KCTD1: variants seen among roughly 807,000 people sequenced by gnomAD.
KCTD1 encodes the protein BTB/POZ domain-containing protein KCTD1.
Under a neutral mutation model 66.0 loss-of-function variants are expected in KCTD1, and 24 were observed. That is an observed-to-expected ratio of 0.36 (90% CI 0.26 to 0.51). The LOEUF (loss-of-function observed/expected upper bound fraction) is 0.51. Ranked by LOEUF, KCTD1 falls within the 20% of genes least tolerant of loss-of-function variation. The pLI is 0.95. For synonymous variants in KCTD1, 511 were observed against 517.2 expected, an observed-to-expected ratio of 0.99 and a Z score of 0.16; for missense variants, 943 against 1,205.2, an observed-to-expected ratio of 0.78 and a Z score of 3.22.
chr18:26,548,211 T>C lies in KCTD1; in HGVS notation c.326A>G (p.Asp109Gly). ...LDWDEPLEPE[D>G]SAGEELEPEP... The stretch of plus-strand genomic sequence containing the variant: ...GGGCTCCAGCTCCTCCCCGGCCGAG[T>C]CCTCGGGCTCCAGGGGCTCGTCCCA... Residue 109 changes from aspartate to glycine, a missense_variant, in exon 1 of 5, where the codon GAC becomes GGC. This residue lies in a region of KCTD1 where 236 missense variants were observed against 206.6 expected (regional missense o/e 1.14). Coordinates refer to ENST00000580059, the MANE Select transcript of KCTD1 (RefSeq NM_001142730.3). 6.6e-7 allele frequency: 1 copy of C among 1,506,136 alleles called. No individual in the cohort carries two copies. Among genetic ancestry groups the C allele is most frequent in the African/African-American group, 1.4e-5 (1 of 71,580 alleles). The allele number at this position is 1,506,136 out of a possible 1,614,324, so 93.3% of individuals were successfully genotyped here.
At chr18:26,515,190 G>A (rs939415383) in intron 1 of KCTD1, among the ~76,000 whole-genome samples, 2 of 152,212 alleles carry the variant, frequency 1.3e-5, no homozygotes, top group Non-Finnish European at 2.9e-5. Flanking sequence ...ATTGTAACTT[G>A]TATTCAGATA....
At chr18:26,655,060 A>G (rs1221185104) in intron 1 of KCTD1, among the ~76,000 whole-genome samples, 1 of 152,218 alleles carries the variant, frequency 6.6e-6, no homozygotes, top group Non-Finnish European at 1.5e-5. Context: ...AGATTCCCAT[A>G]TATGTAGGTG....
intron 2 of KCTD1, among the ~76,000 whole-genome samples, chr18:26,500,359 G>A (rs1310926605): frequency 1.3e-5 from 2 of 151,906 alleles, no homozygotes; most frequent in Non-Finnish European, 2.9e-5. Context: ...GGTCAAGGCT[G>A]CAATGAGCCA....
Position 26,490,838 on chromosome 18 carries a change from C to T in KCTD1, c.1988+10234G>A, listed in dbSNP as rs531528334. On this transcript the variant is annotated intron_variant, in intron 2 of 4. Coordinates refer to ENST00000580059, the MANE Select transcript of KCTD1 (RefSeq NM_001142730.3). The stretch of plus-strand genomic sequence containing the variant: ...TGTGATCTCGGCTCACTGCAATCTC[C>T]GCCTCCCGGGCTCAAGCGATTCTCA... 3.2e-4 allele frequency among the ~76,000 whole-genome samples: 47 copies of T among 149,036 alleles called. 5 individuals are homozygous for T. Among genetic ancestry groups the T allele is most frequent in the Admixed American group, 2.4e-3 (36 of 15,006 alleles).
intron 3 of KCTD1, among the ~76,000 whole-genome samples, chr18:26,467,489 G>T (rs1396016461): frequency 6.6e-6 from 1 of 152,162 alleles, no homozygotes; most frequent in African/African-American, 2.4e-5. Context: ...CTGCATTCCA[G>T]CCTGGGTGAC....
rs1001290065 is a variant in KCTD1, at chr18:26,548,515, C to T, written c.22G>A (p.Gly8Arg). 1.6e-6 allele frequency: 2 copies of T among 1,243,116 alleles called. No individual in the cohort carries two copies. Among genetic ancestry groups the T allele is most frequent in the Admixed American group, 4.3e-5 (1 of 23,464 alleles). 77.0% of individuals were successfully genotyped at this position (1,243,116 alleles called of 1,614,324 possible). Residue 8 changes from glycine to arginine, a missense_variant, in exon 1 of 5, where the codon GGG becomes AGG. Transcript: ENST00000580059. ...CCGCCCGCGCTGGTGTTACAGTCCC[C>T]GCTGCCAGGCATTCTCGCCATATTG... The part of the protein sequence containing the change: MARMPGS[G>R]DCNTSAGGSA...
At chr18:26,584,874 A>G (rs911050677) in intron 1 of KCTD1, among the ~76,000 whole-genome samples, 4 of 152,206 alleles carry the variant, frequency 2.6e-5, no homozygotes, top group African/African-American at 4.8e-5. Context: ...TGTTGCAGGC[A>G]TGGATAACGG....
chr18:26,595,533 T>A (rs1986746151), intron 1 of KCTD1, among the ~76,000 whole-genome samples: 1 of 152,184 alleles, frequency 6.6e-6, no homozygotes, highest in South Asian at 2.1e-4. Flanking sequence ...TCCTTCTTGC[T>A]GGCAGAATGG....
Position 26,504,156 on chromosome 18 carries a change from A to C in KCTD1, c.1810-2906T>G, listed in dbSNP as rs1598902603. 3.3e-5 allele frequency among the ~76,000 whole-genome samples: 5 copies of C among 151,942 alleles called. No individual in the cohort carries two copies. The East Asian group carries it at 9.8e-4, about 30-fold the overall frequency. On this transcript the variant is annotated intron_variant, in intron 1 of 4. Coordinates refer to ENST00000580059, the MANE Select transcript of KCTD1 (RefSeq NM_001142730.3). Reference sequence around the variant, plus strand: ...ATCAAAGCTGCTCACTGCAGCCTCAAACTTCTGGGATCAAGCGATCCCCCC... The same window carrying C: ...ATCAAAGCTGCTCACTGCAGCCTCACACTTCTGGGATCAAGCGATCCCCCC...
Position 26,548,270 on chromosome 18 carries a change from C to A in KCTD1, c.267G>T (p.Glu89Asp), listed in dbSNP as rs779784037. Residue 89 changes from glutamate (E) to aspartate (D), a missense_variant, in exon 1 of 5, where the codon GAG becomes GAT. This residue lies in a region of KCTD1 where 236 missense variants were observed against 206.6 expected (regional missense o/e 1.14). Coordinates refer to ENST00000580059, the MANE Select transcript of KCTD1 (RefSeq NM_001142730.3). Reference sequence around the variant, plus strand: ...CCATCTCCTCCTCTTCCTCCTCCTCCTCGTCCTCCTCCAGCCCCCCACCTC... The same window carrying A: ...CCATCTCCTCCTCTTCCTCCTCCTCATCGTCCTCCTCCAGCCCCCCACCTC... ...EDGGGGLEED[E>D]EEEEEEEMGL... 11 of 1,510,086 alleles carry A rather than the reference C, an allele frequency of 7.3e-6. No individual in the cohort carries two copies. In the South Asian group the frequency reaches 1.2e-4, roughly 17 times the overall value. The allele number at this position is 1,510,086 out of a possible 1,614,324, so 93.5% of individuals were successfully genotyped here. A position where few individuals can be genotyped will look rare whatever the true frequency, so the allele number is the denominator to read the frequency against.
At chr18:26,641,633 G>A (rs189350051), upstream of KCTD1, among the ~76,000 whole-genome samples, 43 of 151,660 alleles carry the variant, frequency 2.8e-4, no homozygotes, top group East Asian at 6.8e-3. Flanking sequence ...GGTGCAGTCC[G>A]TCTGGCATGC....
At chr18:26,500,927 C>T in intron 2 of KCTD1, 145 bp downstream of exon 2, 1 of 768,192 alleles carries the variant, frequency 1.3e-6, no homozygotes, top group Non-Finnish European at 2.1e-6. Context: ...CCAAGACATC[C>T]AGCCTAGGCA....
chr18:26,601,326 TAAAAAAAAAAAA>T (rs61521451), intron 1 of KCTD1, among the ~76,000 whole-genome samples: 1 of 93,252 alleles, frequency 1.1e-5, no homozygotes, highest in African/African-American at 4.3e-5. Context: ...TGTTCATTGG[TAAAAAAAAAAAA>T]AAAAAAAAAA....
chr18:26,472,975 G>C (rs1031273129), intron 3 of KCTD1, among the ~76,000 whole-genome samples: 1 of 152,210 alleles, frequency 6.6e-6, no homozygotes, highest in Non-Finnish European at 1.5e-5. Flanking sequence ...GTGACCCCAG[G>C]TGCAGACTGA....
Position 26,501,141 on chromosome 18 carries a change from A to G in KCTD1, c.1919T>C (p.Val640Ala). ...CATGTGGCCGCCCACATCAATGTGG[A>G]CAGGCGCATTGGATTTTGTGAGTTG... ...PAQLTKSNAP[V>A]HIDVGGHMYT... The change falls in exon 2 of 5, where the codon GTC (valine) becomes GCC (alanine). Residue 640 changes from valine to alanine, a missense_variant. Around this residue, in one of 10 missense-constraint regions of KCTD1, gnomAD observed 41 missense variants for 103.8 expected, o/e 0.39. Transcript: ENST00000580059. The G allele has an allele frequency of 6.2e-7, 1 of 1,614,172 alleles. No individual in the cohort carries two copies. The highest frequency in any genetic ancestry group is 1.1e-5 in the South Asian group (1 of 91,080).
chr18:26,572,063 GT>G (rs1049877615), intron 1 of KCTD1, among the ~76,000 whole-genome samples: 102 of 139,840 alleles, frequency 7.3e-4, no homozygotes, highest in Middle Eastern at 3.7e-3. Flanking sequence ...TGTTGTTGTT[GT>G]TTTTTTTTTT....
intron 1 of KCTD1, among the ~76,000 whole-genome samples, chr18:26,649,595 G>A (rs1317021612): frequency 2.0e-5 from 3 of 152,142 alleles, no homozygotes; most frequent in South Asian, 2.1e-4. Flanking sequence ...TGCAACCTCC[G>A]CCTCCTGGGT....
At chr18:26,516,576 G>A (rs1021190648) in intron 1 of KCTD1, among the ~76,000 whole-genome samples, 1 of 152,168 alleles carries the variant, frequency 6.6e-6, no homozygotes, top group Non-Finnish European at 1.5e-5. Flanking sequence ...ACAGATAAAT[G>A]GTTATAGCAA....
chr18:26,488,510 G>A (rs1169821270), intron 2 of KCTD1, among the ~76,000 whole-genome samples: 1 of 152,036 alleles, frequency 6.6e-6, no homozygotes, highest in South Asian at 2.1e-4. Context: ...TTTTTGGCGG[G>A]GTGGGAGGGG....
Sources: allele counts gnomAD v4.1 joint callset (sites outside exome capture counted in the v4.1 genomes callset), GRCh38; gene constraint gnomAD v4.1.1; regional missense constraint gnomAD v4.1.1; transcripts MANE v1.5; gene names NCBI Gene and HGNC (gene_info 2026-07-23, HGNC 2026-07-21).